FGD6: variants seen among roughly 807,000 people sequenced by gnomAD.
The protein encoded by FGD6 is FYVE, RhoGEF and PH domain containing 6, also known as FYVE, RhoGEF and PH domain-containing protein 6.
FGD6 carries 90 observed loss-of-function variants against 149.4 expected under a neutral mutation model. The observed-to-expected ratio is 0.60, with a 90% CI of 0.51 to 0.72. FGD6 has a LOEUF of 0.72. FGD6 is among the 30% of genes least tolerant of loss of function. The probability of loss-of-function intolerance (pLI) is 0.00; values close to 1 mark genes in which losing one functional copy is unlikely to be tolerated. For synonymous variants in FGD6, 527 were observed against 584.0 expected, an observed-to-expected ratio of 0.90 and a Z score of 1.41; for missense variants, 1,437 against 1,684.8, an observed-to-expected ratio of 0.85 and a Z score of 2.57.
rs1483433376 is a variant in FGD6 at position 95,116,903 on chromosome 12, A to T, written c.3083-3202T>A. On this transcript the variant is annotated intron_variant, in intron 8 of 20. Transcript: ENST00000343958. The stretch of plus-strand genomic sequence containing the variant: ...AAGAATCACCTGGGGCCTTAACTGC[A>T]GCATAAGAATGTGACTGATCACCCT... 3 of 455,914 alleles carry T rather than the reference A, an allele frequency of 6.6e-6. No homozygotes were observed. The Admixed American group carries it at 7.1e-5, about 11-fold the overall frequency. The allele number at this position is 455,914 out of a possible 1,614,324, so 28.2% of individuals were successfully genotyped here. A position where few individuals can be genotyped will look rare whatever the true frequency, so the allele number is the denominator to read the frequency against.
chr12:95,089,447 T>C, intron 18 of FGD6, 122 bp downstream of exon 18: 1 of 1,275,702 alleles, frequency 7.8e-7, no homozygotes, highest in Non-Finnish European at 1.1e-6. Flanking sequence ...TCATCAGTAT[T>C]AAAATTCATG....
At chr12:95,143,758 C>T (rs1879927205) in intron 5 of FGD6, among the ~76,000 whole-genome samples, 1 of 152,148 alleles carries the variant, frequency 6.6e-6, no homozygotes, top group Non-Finnish European at 1.5e-5. Flanking sequence ...CTATAGAATA[C>T]ATTTACACAT....
chr12:95,184,722 C>T (rs1222493053), intron 2 of FGD6, among the ~76,000 whole-genome samples: 7 of 151,692 alleles, frequency 4.6e-5, no homozygotes, highest in Non-Finnish European at 8.8e-5. Flanking sequence ...GCTGGGATTA[C>T]AGGTGTCCAC....
chr12:95,185,185 T>C (rs1357816180), intron 2 of FGD6, among the ~76,000 whole-genome samples: 1 of 152,168 alleles, frequency 6.6e-6, no homozygotes, highest in Non-Finnish European at 1.5e-5. Flanking sequence ...CCACTCTTAA[T>C]CCCACGCATC....
At chr12:95,112,959 T>A (rs529737306) in intron 9 of FGD6, among the ~76,000 whole-genome samples, 1 of 152,176 alleles carries the variant, frequency 6.6e-6, no homozygotes, top group Non-Finnish European at 1.5e-5. Flanking sequence ...ACCTTGCAGA[T>A]CTGGTTCAAT....
chr12:95,211,204 G>A lies in FGD6; in HGVS notation c.80C>T (p.Pro27Leu). The stretch of plus-strand genomic sequence containing the variant: ...GTCGGGTTTAGGTGCAATAGGAGGT[G>A]GGGCTGGCTTATTATTTGCCACAAC... ...KFVVANNKPA[P>L]PPIAPKPDIV... Residue 27 changes from proline (P) to leucine (L), a missense_variant, in exon 2 of 21, where the codon CCA (proline) becomes CTA (leucine). Coordinates refer to ENST00000343958, the MANE Select transcript of FGD6 (RefSeq NM_018351.4). 6.2e-7 allele frequency: 1 copy of A among 1,612,498 alleles called. No individual in the cohort carries two copies. The highest frequency in any genetic ancestry group is 8.5e-7 in the Non-Finnish European group (1 of 1,179,812).
At chr12:95,138,216 A>C (rs953898945) in intron 6 of FGD6, among the ~76,000 whole-genome samples, 4 of 140,012 alleles carry the variant, frequency 2.9e-5, no homozygotes, top group Admixed American at 2.1e-4. Context: ...AAATAAATAA[A>C]TAAATAAATA....
intron 5 of FGD6, among the ~76,000 whole-genome samples, chr12:95,151,384 C>T (rs1880304806): frequency 6.6e-6 from 1 of 152,070 alleles, no homozygotes; most frequent in South Asian, 2.1e-4. Flanking sequence ...GATTCTCCTG[C>T]CTCAGCCTCC....
At chr12:95,166,237 T>A (rs887659737) in intron 3 of FGD6, among the ~76,000 whole-genome samples, 2 of 152,162 alleles carry the variant, frequency 1.3e-5, no homozygotes, top group Non-Finnish European at 2.9e-5. Context: ...TTTTCCTGAG[T>A]TGCTAGAAAG....
At chr12:95,158,459 T>C (rs1880543556) in intron 3 of FGD6, among the ~76,000 whole-genome samples, 1 of 151,784 alleles carries the variant, frequency 6.6e-6, no homozygotes, top group Non-Finnish European at 1.5e-5. Flanking sequence ...AGAGGCATGA[T>C]CACTCACCTT....
rs367979356 is a variant in FGD6 at position 95,134,851 on chromosome 12, A to T, written c.2995-25T>A. The T allele has an allele frequency of 2.5e-5, 39 of 1,585,758 alleles. No homozygotes were observed. The Admixed American group carries it at 3.9e-4, about 16-fold the overall frequency. Reference sequence around the variant, plus strand: ...TCTGAAAGGAGAAGGCATCTAAATTAACACAGTGTTTTCTAAGAAGCAAGG... The same window carrying T: ...TCTGAAAGGAGAAGGCATCTAAATTTACACAGTGTTTTCTAAGAAGCAAGG... On this transcript the variant is annotated intron_variant, in intron 7 of 20. Coordinates refer to ENST00000343958, the MANE Select transcript of FGD6 (RefSeq NM_018351.4).
chr12:95,185,266 C>A (rs796289611), intron 2 of FGD6, among the ~76,000 whole-genome samples: 37 of 151,656 alleles, frequency 2.4e-4, no homozygotes, highest in African/African-American at 8.7e-4. Context: ...ATTGGGAAAC[C>A]AAAAAAAATC....
At chr12:95,148,231 A>G (rs1880070697) in intron 5 of FGD6, among the ~76,000 whole-genome samples, 1 of 151,648 alleles carries the variant, frequency 6.6e-6, no homozygotes, top group Admixed American at 6.6e-5. Flanking sequence ...AGTGATTTTA[A>G]CATGGAAAAA....
chr12:95,174,235 G>A (rs146884565), intron 2 of FGD6, among the ~76,000 whole-genome samples: 149 of 152,242 alleles, frequency 9.8e-4, no homozygotes, highest in African/African-American at 3.3e-3. Context: ...AGCCAACCCC[G>A]CCGGATAGTT....
At chr12:95,216,159 C>T (rs780316119) in intron 1 of FGD6, among the ~76,000 whole-genome samples, 4 of 152,196 alleles carry the variant, frequency 2.6e-5, no homozygotes, top group Non-Finnish European at 5.9e-5. Flanking sequence ...GGGAGCAATG[C>T]AACACTACAA....
At chr12:95,122,645 C>CA (rs397687285) in intron 8 of FGD6, among the ~76,000 whole-genome samples, 39,745 of 64,200 alleles carry the variant, frequency 0.62, 12,148 homozygotes, top group Admixed American at 0.64. Context: ...GACTCAGTCT[C>CA]AAAAAAAAAA....
chr12:95,120,343 T>TA (rs1879151500), intron 8 of FGD6, among the ~76,000 whole-genome samples: 1 of 151,902 alleles, frequency 6.6e-6, no homozygotes, highest in African/African-American at 2.4e-5. Flanking sequence ...TTTATTTATT[T>TA]TTTATTTTTT....
chr12:95,125,777 C>T (rs1879319556), intron 8 of FGD6: 3 of 729,386 alleles, frequency 4.1e-6, no homozygotes, highest in Admixed American at 3.6e-5. Context: ...TCAGGCACTT[C>T]ATGGAGGTTG....
intron 2 of FGD6, among the ~76,000 whole-genome samples, chr12:95,192,377 T>TA (rs1219125378): frequency 6.6e-6 from 1 of 152,210 alleles, no homozygotes; most frequent in African/African-American, 2.4e-5. Flanking sequence ...GATATGTAGT[T>TA]AAAATCAATA....
Sources: gnomAD v4.1 joint callset for allele counts (sites outside exome capture counted in the v4.1 genomes callset) on GRCh38, gnomAD v4.1.1 for gene constraint, MANE v1.5 for transcripts, NCBI Gene and HGNC (gene_info 2026-07-23, HGNC 2026-07-21) for gene names.